The following CDKAL1 variants were observed in gnomAD, a reference collection of about 807,000 sequenced individuals.
CDKAL1 encodes CDKAL1 threonylcarbamoyladenosine tRNA methylthiotransferase, also known as threonylcarbamoyladenosine tRNA methylthiotransferase.
In CDKAL1, 32 loss-of-function variants were observed where a neutral mutation model predicts 68.2. The observed-to-expected ratio is 0.47, with a 90% CI of 0.35 to 0.63. The LOEUF is 0.63. Among genes scored for constraint, CDKAL1 ranks in the 30% least tolerant of loss-of-function variants. The pLI, the probability that CDKAL1 is intolerant of heterozygous loss-of-function variation, is 0.00. For synonymous variants in CDKAL1, 234 were observed against 244.3 expected (o/e 0.96, Z 0.39); for missense variants, 606 against 696.7 (o/e 0.87, Z 1.47).
At chr6:20,860,699 C>T (rs1348389764) in intron 9 of CDKAL1, among the ~76,000 whole-genome samples, 1 of 151,920 alleles carries the variant, frequency 6.6e-6, no homozygotes, top group Non-Finnish European at 1.5e-5. Context: ...TGGCACGCAC[C>T]TGTAGTCCCA....
chr6:20,798,787 T>G, intron 8 of CDKAL1, among the ~76,000 whole-genome samples: 1 of 136,284 alleles, frequency 7.3e-6, no homozygotes, highest in Non-Finnish European at 1.6e-5. Context: ...GGGGGAGGGA[T>G]AGCATTAGGA....
At chr6:20,797,912 G>A (rs1445127589) in intron 8 of CDKAL1, among the ~76,000 whole-genome samples, 1 of 151,554 alleles carries the variant, frequency 6.6e-6, no homozygotes, top group Non-Finnish European at 1.5e-5. Flanking sequence ...TGTCTTCTGG[G>A]GTCAAGCAAT....
chr6:21,220,472 G>A (rs908781531), intron 15 of CDKAL1, among the ~76,000 whole-genome samples: 2 of 152,306 alleles, frequency 1.3e-5, no homozygotes, highest in African/African-American at 4.8e-5. Context: ...ATCTCTGATA[G>A]CATACCTTCT....
chr6:20,853,437 T>A (rs1430291325), intron 9 of CDKAL1, among the ~76,000 whole-genome samples: 4 of 151,102 alleles, frequency 2.6e-5, no homozygotes, highest in Non-Finnish European at 5.9e-5. Flanking sequence ...GGGTTATTGA[T>A]GAAGGGGTTC....
intron 15 of CDKAL1, among the ~76,000 whole-genome samples, chr6:21,229,555 C>T (rs1779876355): frequency 6.6e-6 from 1 of 152,150 alleles, no homozygotes; most frequent in Non-Finnish European, 1.5e-5. Flanking sequence ...TGCTAGAGCG[C>T]TTGGAAGGGA....
intron 11 of CDKAL1, among the ~76,000 whole-genome samples, chr6:21,041,825 A>G (rs923844779): frequency 2.0e-5 from 3 of 152,192 alleles, no homozygotes; most frequent in African/African-American, 7.2e-5. Context: ...ATCAAATAAA[A>G]GTCCAAAGAA....
chr6:20,635,193 G>C lies in CDKAL1; in HGVS notation c.287-14100G>C, dbSNP rs141727973. Among the ~76,000 whole-genome samples, 3 of 152,228 alleles carry C rather than the reference G, an allele frequency of 2.0e-5. No homozygotes were observed. The East Asian group carries it at 5.8e-4, about 29-fold the overall frequency. ...GGTATCCTTACCATTTGGCTTTTGT[G>C]AGTAGATCTGGACAATTGGAGGCAC... On this transcript the variant is annotated intron_variant, in intron 4 of 15. Coordinates refer to ENST00000274695, the MANE Select transcript of CDKAL1 (RefSeq NM_017774.3).
chr6:21,043,970 T>C (rs1770080578), intron 11 of CDKAL1, among the ~76,000 whole-genome samples: 1 of 152,228 alleles, frequency 6.6e-6, no homozygotes, highest in Admixed American at 6.5e-5. Context: ...AAGGAAATGT[T>C]TGCTGTAATT....
At chr6:21,053,489 G>A (rs567355774) in intron 11 of CDKAL1, among the ~76,000 whole-genome samples, 1 of 152,216 alleles carries the variant, frequency 6.6e-6, no homozygotes. Flanking sequence ...GACACCTAGA[G>A]TAGAATTGCT....
At chr6:21,086,553 C>T (rs760298305) in intron 12 of CDKAL1, among the ~76,000 whole-genome samples, 2 of 152,104 alleles carry the variant, frequency 1.3e-5, no homozygotes, top group Non-Finnish European at 2.9e-5. Context: ...AGGCGAACAC[C>T]GAAGTCCTGG....
intron 12 of CDKAL1, among the ~76,000 whole-genome samples, chr6:21,076,921 C>T (rs2150951375): frequency 6.6e-6 from 1 of 152,156 alleles, no homozygotes; most frequent in South Asian, 2.1e-4. Context: ...TGGATTTCAG[C>T]AGATCATTTA....
At chr6:20,679,936 C>G (rs1357356080) in intron 5 of CDKAL1, among the ~76,000 whole-genome samples, 4 of 151,952 alleles carry the variant, frequency 2.6e-5, no homozygotes, top group Admixed American at 2.6e-4. Flanking sequence ...GAATTACAAT[C>G]TTAAATATTG....
chr6:20,699,755 A>G (rs1294429769), intron 5 of CDKAL1, among the ~76,000 whole-genome samples: 2 of 152,152 alleles, frequency 1.3e-5, no homozygotes, highest in Non-Finnish European at 2.9e-5. Flanking sequence ...CGAGAAGACC[A>G]TTTACATTTC....
At chr6:21,116,266 T>C (rs73383741) in intron 13 of CDKAL1, among the ~76,000 whole-genome samples, 1,956 of 152,238 alleles carry the variant, frequency 0.013, 36 homozygotes, top group African/African-American at 0.044. Flanking sequence ...TAAGATGATA[T>C]ATCCAGAGAC....
intron 13 of CDKAL1, among the ~76,000 whole-genome samples, chr6:21,173,365 G>C (rs58468116): frequency 0.023 from 3,538 of 152,088 alleles, 135 homozygotes; most frequent in African/African-American, 0.078. Context: ...CAATCGACTT[G>C]TTTGGACTTT....
intron 9 of CDKAL1, among the ~76,000 whole-genome samples, chr6:20,896,428 A>G (rs1448723149): frequency 2.6e-5 from 4 of 152,098 alleles, no homozygotes; most frequent in Non-Finnish European, 5.9e-5. Context: ...ATTTTATGCA[A>G]CTTAAAAATG....
intron 9 of CDKAL1, among the ~76,000 whole-genome samples, chr6:20,953,941 G>T (rs954993495): frequency 1.3e-5 from 2 of 152,024 alleles, no homozygotes; most frequent in African/African-American, 4.8e-5. Flanking sequence ...CTTTTTAAGT[G>T]CTCTTTTTTC....
chr6:20,725,044 G>T (rs1476785945), intron 5 of CDKAL1, among the ~76,000 whole-genome samples: 2 of 152,170 alleles, frequency 1.3e-5, no homozygotes, highest in Non-Finnish European at 2.9e-5. Context: ...TTCACTAAAT[G>T]TAACAGCTGA....
chr6:20,573,347 T>C (rs1764782301), intron 4 of CDKAL1, among the ~76,000 whole-genome samples: 1 of 151,850 alleles, frequency 6.6e-6, no homozygotes, highest in Non-Finnish European at 1.5e-5. Flanking sequence ...CATAACACTT[T>C]TGCAGTTTAA....
Sources: gnomAD v4.1 joint callset for allele counts (sites outside exome capture counted in the v4.1 genomes callset) on GRCh38, gnomAD v4.1.1 for gene constraint, MANE v1.5 for transcripts, NCBI Gene and HGNC (gene_info 2026-07-23, HGNC 2026-07-21) for gene names.